GRID2: variants seen among roughly 807,000 people sequenced by gnomAD.
The protein encoded by GRID2 is glutamate ionotropic receptor delta type subunit 2.
In GRID2, 33 loss-of-function variants were observed where a neutral mutation model predicts 114.8. The ratio of observed to expected loss-of-function variants is 0.29; its 90% CI spans 0.22 to 0.38. The LOEUF (loss-of-function observed/expected upper bound fraction) is 0.38. Among genes scored for constraint, GRID2 ranks in the 10% least tolerant of loss-of-function variants. The pLI, the probability that GRID2 is intolerant of heterozygous loss-of-function variation, is 1.00. For missense variants in GRID2, 1,184 were observed against 1,257.7 expected (o/e 0.94, Z 0.89); for synonymous variants, 505 against 449.9 (o/e 1.12, Z -1.55).
intron 14 of GRID2, among the ~76,000 whole-genome samples, chr4:93,711,076 G>A (rs550715401): frequency 3.3e-4 from 51 of 152,298 alleles, no homozygotes; most frequent in African/African-American, 1.2e-3. Context: ...CTGTGTCTGA[G>A]ATGGTGCCCA....
chr4:93,731,352 C>T (rs1730469058), intron 14 of GRID2, among the ~76,000 whole-genome samples: 1 of 151,980 alleles, frequency 6.6e-6, no homozygotes, highest in African/African-American at 2.4e-5. Flanking sequence ...AATTAGAGCG[C>T]AATAGGTTAT....
chr4:92,925,770 C>T (rs1749763312), intron 2 of GRID2, among the ~76,000 whole-genome samples: 1 of 151,956 alleles, frequency 6.6e-6, no homozygotes, highest in Admixed American at 6.6e-5. Context: ...TTAAAAGCTT[C>T]TGCTTTCTGT....
chr4:93,221,077 G>A (rs1260982188), intron 6 of GRID2, among the ~76,000 whole-genome samples: 1 of 152,184 alleles, frequency 6.6e-6, no homozygotes, highest in African/African-American at 2.4e-5. Context: ...TTCAGTGTGT[G>A]TATCACACAA....
At position 93,786,420 on chromosome 4, in the gene GRID2, A is replaced by T. The variant is rs1734593077; in HGVS notation, c.221+16970A>T. 2.0e-5 allele frequency among the ~76,000 whole-genome samples: 3 copies of T among 152,218 alleles called. No individual in the cohort carries two copies. The South Asian group carries it at 6.2e-4, about 32-fold the overall frequency. ...TTGAGCACATTTAAATGCAAATATG[A>T]AGGAGCCAGTAGAGGGCAAAGCTTG... On this transcript the variant is annotated intron_variant, in intron 1 of 1. Transcript: ENST00000637838.
chr4:93,326,066 C>T (rs1314215475), intron 8 of GRID2, among the ~76,000 whole-genome samples: 2 of 151,980 alleles, frequency 1.3e-5, no homozygotes, highest in Admixed American at 1.3e-4. Context: ...ATAAGGTATG[C>T]GTAATATAAA....
rs537363205 is a variant in GRID2 at position 93,168,681 on chromosome 4, A to G, written c.736-38723A>G. Among the ~76,000 whole-genome samples, 17 of 152,238 alleles carry G rather than the reference A, an allele frequency of 1.1e-4. No individual in the cohort carries two copies. The East Asian group carries it at 3.3e-3, about 29-fold the overall frequency. ...AAATAAAAACAGAGTCTTTAGCTTC[A>G]ACTTAAGATCTTACAGAAAAAGAGA... On this transcript the variant is annotated intron_variant, in intron 4 of 15. Coordinates refer to ENST00000282020, the MANE Select transcript of GRID2 (RefSeq NM_001510.4).
At chr4:93,701,926 T>A (rs181570885) in intron 14 of GRID2, among the ~76,000 whole-genome samples, 9 of 152,216 alleles carry the variant, frequency 5.9e-5, no homozygotes, top group Non-Finnish European at 7.4e-5. Flanking sequence ...GATAATATAA[T>A]CAGTAATTAT....
At chr4:93,314,741 TCA>T (rs10585703) in intron 8 of GRID2, among the ~76,000 whole-genome samples, 81,049 of 150,890 alleles carry the variant, frequency 0.54, 22,300 homozygotes, top group African/African-American at 0.66. Context: ...CACGATGATT[TCA>T]CACACACACA....
chr4:93,190,688 C>T (rs1398537265), intron 4 of GRID2, among the ~76,000 whole-genome samples: 2 of 152,016 alleles, frequency 1.3e-5, no homozygotes, highest in Non-Finnish European at 2.9e-5. Flanking sequence ...AGAGAAAATA[C>T]ACAATTTAGC....
At chr4:92,331,863 T>C (rs1726906962) in intron 1 of GRID2, among the ~76,000 whole-genome samples, 1 of 152,218 alleles carries the variant, frequency 6.6e-6, no homozygotes, top group Admixed American at 6.5e-5. Flanking sequence ...CATGATTTCC[T>C]AGCATTATTT....
chr4:92,879,965 T>G (rs1430015301), intron 2 of GRID2, among the ~76,000 whole-genome samples: 1 of 152,138 alleles, frequency 6.6e-6, no homozygotes, highest in Admixed American at 6.6e-5. Context: ...AAGAAAATTG[T>G]GTATTTATAA....
intron 4 of GRID2, among the ~76,000 whole-genome samples, chr4:93,205,214 T>A (rs906169888): frequency 7.0e-6 from 1 of 142,572 alleles, no homozygotes; most frequent in Non-Finnish European, 1.5e-5. Flanking sequence ...GTATAAAGTG[T>A]TTTTTTTTTA....
intron 10 of GRID2, among the ~76,000 whole-genome samples, chr4:93,443,318 C>G (rs979408261): frequency 2.6e-5 from 4 of 151,940 alleles, no homozygotes; most frequent in African/African-American, 9.7e-5. Flanking sequence ...ACCACCATCT[C>G]TGTGAAATCT....
intron 12 of GRID2, among the ~76,000 whole-genome samples, chr4:93,507,360 G>A (rs1048634938): frequency 1.1e-4 from 17 of 152,310 alleles, no homozygotes; most frequent in Non-Finnish European, 1.8e-4. Context: ...TGGCTACGCC[G>A]TAAATAGGAA....
Position 93,042,295 on chromosome 4 carries a change from CTCTCTATATATA to C in GRID2, c.245-42698_245-42687del, listed in dbSNP as rs1467951546. On this transcript the variant is annotated intron_variant, in intron 2 of 15. Transcript: ENST00000282020. ...TCTCTTTCTCTCTCTCTCTCTCTCT[CTCTCTATATATA>C]TATATATATATACACCTATTTAACA... 4.3e-4 allele frequency among the ~76,000 whole-genome samples: 41 copies of C among 95,176 alleles called. 1 individual carries two copies. The highest frequency in any genetic ancestry group is 2.7e-3 in the Admixed American group (23 of 8,546). 62.4% of individuals were successfully genotyped at this position (95,176 alleles called of 152,430 possible).
chr4:92,517,847 A>G (rs1320969505), intron 1 of GRID2, among the ~76,000 whole-genome samples: 1 of 151,892 alleles, frequency 6.6e-6, no homozygotes, highest in Non-Finnish European at 1.5e-5. Context: ...TCTATAAATC[A>G]CTTTATCAGC....
intron 1 of GRID2, among the ~76,000 whole-genome samples, chr4:92,433,424 G>T (rs796972330): frequency 6.6e-6 from 1 of 152,316 alleles, no homozygotes; most frequent in African/African-American, 2.4e-5. Flanking sequence ...CTTAGGTTCC[G>T]ACTGCTGGGA....
chr4:92,963,827 C>A (rs748742041), intron 2 of GRID2, among the ~76,000 whole-genome samples: 1 of 151,934 alleles, frequency 6.6e-6, no homozygotes, highest in Non-Finnish European at 1.5e-5. Context: ...TTACAACATG[C>A]ATTTCTTAGA....
chr4:93,520,400 C>CTGGTT (rs1560708962), intron 13 of GRID2, among the ~76,000 whole-genome samples: 10 of 151,912 alleles, frequency 6.6e-5, no homozygotes, highest in African/African-American at 2.4e-4. Flanking sequence ...TTGGGAAATA[C>CTGGTT]TTCTCTGAGA....
Sources: gnomAD v4.1 joint callset for allele counts (sites outside exome capture counted in the v4.1 genomes callset) on GRCh38, gnomAD v4.1.1 for gene constraint, MANE v1.5 for transcripts, NCBI Gene and HGNC (gene_info 2026-07-23, HGNC 2026-07-21) for gene names.